AKAP11: variants seen among roughly 807,000 people sequenced by gnomAD.
AKAP11 encodes the protein A-kinase anchoring protein 11.
AKAP11 carries 36 observed loss-of-function variants against 146.1 expected under a neutral mutation model. The ratio of observed to expected loss-of-function variants is 0.25; its 90% CI spans 0.19 to 0.33. The LOEUF is 0.33. Among genes scored for constraint, AKAP11 ranks in the 10% least tolerant of loss-of-function variants. AKAP11 has a pLI of 1.00. For missense variants in AKAP11, 2,201 were observed against 2,197.0 expected (o/e 1.00, Z -0.04); for synonymous variants, 780 against 786.5 (o/e 0.99, Z 0.14).
At chr13:42,281,980 C>CT (rs374402483) in intron 1 of AKAP11, among the ~76,000 whole-genome samples, 16,991 of 141,362 alleles carry the variant, frequency 0.12, 1,099 homozygotes, top group South Asian at 0.18. Context: ...TTTTTTCTTT[C>CT]TTTTTTTTTT....
At position 42,297,288 on chromosome 13, in the gene AKAP11, A is replaced by G. The variant is rs549973852; in HGVS notation, c.351+106A>G. 3.3e-4 allele frequency: 272 copies of G among 835,494 alleles called. 3 individuals are homozygous for G. In the South Asian group the frequency reaches 6.4e-3, roughly 20 times the overall value. 51.8% of individuals were successfully genotyped at this position (835,494 alleles called of 1,614,324 possible). The stretch of plus-strand genomic sequence containing the variant: ...GCTTGGATGACATTTGTTTTTTTTA[A>G]ATGGTATCTCAAGGAAATATGATTC... On this transcript the variant is annotated intron_variant, in intron 6 of 12. Coordinates refer to ENST00000025301, the MANE Select transcript of AKAP11 (RefSeq NM_016248.4).
At chr13:42,273,042 TAAGG>T (rs1958818221) in intron 1 of AKAP11, among the ~76,000 whole-genome samples, 9 of 152,236 alleles carry the variant, frequency 5.9e-5, no homozygotes, top group Admixed American at 4.6e-4. Context: ...CTTTAGATGT[TAAGG>T]AGTTTCATGG....
At chr13:42,304,014 C>A (rs1960120537) in intron 8 of AKAP11, 151 bp downstream of exon 8, 4 of 1,037,926 alleles carry the variant, frequency 3.9e-6, no homozygotes, top group African/African-American at 1.6e-5. Flanking sequence ...TGTTTCATAT[C>A]CTACACATGA....
chr13:42,304,370 A>G (rs550371340), intron 8 of AKAP11, among the ~76,000 whole-genome samples: 1 of 152,298 alleles, frequency 6.6e-6, no homozygotes, highest in African/African-American at 2.4e-5. Flanking sequence ...TGTGCTGTTC[A>G]CCTGTTAGTC....
chr13:42,294,392 A>G (rs556461299), intron 4 of AKAP11, among the ~76,000 whole-genome samples: 93 of 152,156 alleles, frequency 6.1e-4, no homozygotes, highest in African/African-American at 1.9e-3. Flanking sequence ...AAAGTAGTAT[A>G]TATATATTTT....
At chr13:42,316,205 A>T (rs1392259341) in intron 11 of AKAP11, among the ~76,000 whole-genome samples, 1 of 152,222 alleles carries the variant, frequency 6.6e-6, no homozygotes, top group African/African-American at 2.4e-5. Context: ...AGGGACCAAC[A>T]CAACTCCTAA....
At position 42,286,415 on chromosome 13, in the gene AKAP11, T is replaced by G. The variant is rs200199399; in HGVS notation, c.51+16T>G. The G allele has an allele frequency of 2.7e-4, 417 of 1,570,292 alleles. 2 individuals are homozygous for G. The Middle Eastern group carries it at 3.7e-3, about 14-fold the overall frequency. On this transcript the variant is annotated intron_variant, in intron 3 of 12. Coordinates refer to ENST00000025301, the MANE Select transcript of AKAP11 (RefSeq NM_016248.4). ...TGTCAGAAAAGTAAGTTCACTCTAT[T>G]AGGTTTCTTTTAGTGAAAGTTTTAA... is the stretch of plus-strand genomic sequence containing the variant.
intron 1 of AKAP11, among the ~76,000 whole-genome samples, chr13:42,278,903 A>G (rs1594296070): frequency 6.9e-6 from 1 of 144,634 alleles, no homozygotes. Context: ...TTTGAAATAC[A>G]TTTTCATTGA....
In AKAP11 at chr13:42,319,160, G is replaced by A. The variant is rs1179981862; in HGVS notation, c.5638G>A (p.Val1880Met). Residue 1880 changes from valine (V) to methionine (M), a missense_variant, in exon 13 of 13, where the codon GTG (valine) becomes ATG (methionine). Transcript: ENST00000025301. ...LLQAVLQYYEVMEKASSEERC... is the reference protein window; with the variant it reads ...LLQAVLQYYEMMEKASSEERC... ...GCAGGCTGTGCTTCAATACTATGAA[G>A]TGATGGAAAAAGCTTCCAGTGAGGA... 2 of 1,614,102 alleles carry A rather than the reference G, an allele frequency of 1.2e-6. No homozygotes were observed. The highest frequency in any genetic ancestry group is 3.3e-5 in the Admixed American group (2 of 60,022).
intron 1 of AKAP11, among the ~76,000 whole-genome samples, chr13:42,281,134 G>C (rs1281807297): frequency 6.6e-6 from 1 of 152,142 alleles, no homozygotes; most frequent in Non-Finnish European, 1.5e-5. Context: ...CCAGAGGTAA[G>C]GATAAAATGT....
At position 42,322,007 on chromosome 13, in the gene AKAP11, T is replaced by C. The variant is rs544895155; in HGVS notation, c.*2779T>C. 1.8e-4 allele frequency: 27 copies of C among 152,400 alleles called. No individual in the cohort carries two copies. The highest frequency in any genetic ancestry group is 6.5e-4 in the African/African-American group (27 of 41,580). 9.4% of individuals were successfully genotyped at this position (152,400 alleles called of 1,614,324 possible). A position where few individuals can be genotyped will look rare whatever the true frequency, so the allele number is the denominator to read the frequency against. ...TCCTAAACCAAGTTAAAATTACATG[T>C]ATATTTTGGTGTTAAGGTTGATTTT... On this transcript the variant is annotated 3_prime_UTR_variant, in exon 13 of 13. Coordinates refer to ENST00000025301, the MANE Select transcript of AKAP11 (RefSeq NM_016248.4).
chr13:42,282,937 G>T (rs974615756), intron 1 of AKAP11, among the ~76,000 whole-genome samples: 1 of 152,170 alleles, frequency 6.6e-6, no homozygotes, highest in African/African-American at 2.4e-5. Context: ...TAAATGAAAA[G>T]TTTATCATAA....
chr13:42,306,293 C>T (rs1046155057), intron 8 of AKAP11, among the ~76,000 whole-genome samples: 6 of 152,108 alleles, frequency 3.9e-5, no homozygotes, highest in East Asian at 1.9e-4. Context: ...TTACTTTTTA[C>T]TCCTCCTCAG....
In AKAP11 at chr13:42,320,984, A is replaced by G. The variant is rs1961064146; in HGVS notation, c.*1756A>G. On this transcript the variant is annotated 3_prime_UTR_variant, in exon 13 of 13. Transcript: ENST00000025301. ...AAAGTTTCCTAAAGTTTCTTCAAGTATTTTTTAAGGTGGAGAAATGCAGGA... is the reference window on the plus strand; with the variant it reads ...AAAGTTTCCTAAAGTTTCTTCAAGTGTTTTTTAAGGTGGAGAAATGCAGGA... 6.6e-6 allele frequency: 1 copy of G among 152,282 alleles called. No homozygotes were observed. The highest frequency in any genetic ancestry group is 1.5e-5 in the Non-Finnish European group (1 of 68,012). 9.4% of individuals were successfully genotyped at this position (152,282 alleles called of 1,614,324 possible).
intron 1 of AKAP11, among the ~76,000 whole-genome samples, chr13:42,275,476 C>T (rs1241067566): frequency 6.6e-6 from 1 of 152,232 alleles, no homozygotes; most frequent in East Asian, 1.9e-4. Flanking sequence ...ATTTGTCTCA[C>T]AGTTTGCAGG....
intron 1 of AKAP11, among the ~76,000 whole-genome samples, chr13:42,277,339 T>C (rs1305881399): frequency 6.6e-6 from 1 of 152,248 alleles, no homozygotes; most frequent in African/African-American, 2.4e-5. Flanking sequence ...TGCCTTCATC[T>C]GATTATTCTA....
chr13:42,310,794 G>GT (rs1159154135), intron 9 of AKAP11, among the ~76,000 whole-genome samples: 3 of 150,888 alleles, frequency 2.0e-5, no homozygotes, highest in African/African-American at 7.3e-5. Flanking sequence ...GGGAGGCAGA[G>GT]ATTGCAGTGA....
intron 10 of AKAP11, among the ~76,000 whole-genome samples, chr13:42,313,347 T>G (rs531109018): frequency 1.3e-5 from 2 of 152,254 alleles, no homozygotes; most frequent in Admixed American, 1.3e-4. Context: ...GTCACTGTTA[T>G]GCATGTGTTG....
intron 6 of AKAP11, 26 bp downstream of exon 6, chr13:42,297,208 G>A: frequency 2.2e-6 from 3 of 1,386,912 alleles, no homozygotes; most frequent in Non-Finnish European, 2.9e-6. Flanking sequence ...AATTTCTAAT[G>A]AGATTTTTAG....
Sources: allele counts gnomAD v4.1 joint callset (sites outside exome capture counted in the v4.1 genomes callset), GRCh38; gene constraint gnomAD v4.1.1; transcripts MANE v1.5; gene names NCBI Gene and HGNC (gene_info 2026-07-23, HGNC 2026-07-21).